GAS7: variants seen among roughly 807,000 people sequenced by gnomAD.
GAS7 encodes growth arrest-specific protein 7.
In GAS7, 28 loss-of-function variants were observed where a neutral mutation model predicts 71.1. The observed-to-expected ratio is 0.39, with a 90% confidence interval of 0.29 to 0.54. GAS7 has a LOEUF of 0.54. Ranked by LOEUF, GAS7 falls within the 20% of genes least tolerant of loss-of-function variation. The pLI is 0.62. For synonymous variants in GAS7, 258 were observed against 245.8 expected (o/e 1.05, Z -0.46); for missense variants, 436 against 627.8 (o/e 0.69, Z 3.27).
In GAS7 at chr17:10,015,444, A is replaced by G. The variant is rs79369712; in HGVS notation, c.304+4333T>C. 9.6e-3 allele frequency among the ~76,000 whole-genome samples: 1,461 copies of G among 152,256 alleles called. 48 individuals are homozygous for G. The East Asian group carries it at 0.099, about 10-fold the overall frequency. The stretch of plus-strand genomic sequence containing the variant: ...TGAAATGCCACCTGGAGAGCGACAG[A>G]GCAAAGATGCTTAAGCAAGGGGCCA... On this transcript the variant is annotated intron_variant, in intron 2 of 13. Transcript: ENST00000432992.
At chr17:10,066,779 T>C (rs1032738060) in intron 1 of GAS7, among the ~76,000 whole-genome samples, 2 of 152,164 alleles carry the variant, frequency 1.3e-5, no homozygotes, top group African/African-American at 4.8e-5. Context: ...TTGGATTGGC[T>C]CCTGGGGTCA....
intron 5 of GAS7, among the ~76,000 whole-genome samples, chr17:9,951,663 A>G (rs2069012219): frequency 6.8e-6 from 1 of 147,886 alleles, no homozygotes; most frequent in Non-Finnish European, 1.5e-5. Flanking sequence ...AGGCTGAGGC[A>G]GGAGAATCGC....
chr17:10,154,939 CA>C (rs1463054785), intron 1 of GAS7, among the ~76,000 whole-genome samples: 2 of 151,768 alleles, frequency 1.3e-5, no homozygotes, highest in East Asian at 3.9e-4. Context: ...CACACACACA[CA>C]CACACACACA....
chr17:10,197,367 G>C lies in GAS7; in HGVS notation c.183+841C>G, dbSNP rs905594955. ...AGTCTTTACAAGAATCCTGGGGGCAGGCGGGCTTCTAGTAAAGGGGATGTC... is the reference window on the plus strand; with the variant it reads ...AGTCTTTACAAGAATCCTGGGGGCACGCGGGCTTCTAGTAAAGGGGATGTC... On this transcript the variant is annotated intron_variant, in intron 1 of 13. Coordinates refer to ENST00000432992, the MANE Select transcript of GAS7 (RefSeq NM_201433.2). Among the ~76,000 whole-genome samples, 7 of 151,762 alleles carry C rather than the reference G, an allele frequency of 4.6e-5. No individual in the cohort carries two copies. In the East Asian group the frequency reaches 1.3e-3, roughly 29 times the overall value.
At position 10,125,067 on chromosome 17, in the gene GAS7, T is replaced by TAA. The variant is rs34878954; in HGVS notation, c.183+73139_183+73140dup. On this transcript the variant is annotated intron_variant, in intron 1 of 13. Transcript: ENST00000432992. ...TATCTTCAGTAATTTTTAATAGCAG[T>TAA]AAAAAAAAAAAAAGGGGGGGTGTGG... 3.0e-3 allele frequency among the ~76,000 whole-genome samples: 416 copies of TAA among 138,118 alleles called. 2 individuals carry two copies. The highest frequency in any genetic ancestry group is 6.9e-3 in the African/African-American group (257 of 37,182). The allele number at this position is 138,118 out of a possible 152,430, so 90.6% of individuals were successfully genotyped here.
chr17:10,031,452 T>G (rs1467291748), intron 1 of GAS7, among the ~76,000 whole-genome samples: 1 of 152,164 alleles, frequency 6.6e-6, no homozygotes, highest in African/African-American at 2.4e-5. Flanking sequence ...ATGAAAAGAT[T>G]TGCAAATGAT....
intron 1 of GAS7, among the ~76,000 whole-genome samples, chr17:10,122,613 G>A (rs1444217441): frequency 2.0e-5 from 3 of 152,058 alleles, no homozygotes; most frequent in African/African-American, 7.3e-5. Context: ...CCCACTTGTG[G>A]TGAAAAGCCC....
intron 1 of GAS7, among the ~76,000 whole-genome samples, chr17:10,109,127 A>T (rs573975991): frequency 7.2e-5 from 11 of 152,216 alleles, no homozygotes; most frequent in South Asian, 2.1e-4. Context: ...AAAAAAATTT[A>T]AAAAAATAAA....
chr17:9,987,713 C>T (rs1360956253), intron 2 of GAS7, among the ~76,000 whole-genome samples: 1 of 152,270 alleles, frequency 6.6e-6, no homozygotes, highest in African/African-American at 2.4e-5. Context: ...TTTCAAAGCA[C>T]AGATGCCCCT....
intron 1 of GAS7, among the ~76,000 whole-genome samples, chr17:10,087,495 T>C (rs2073531989): frequency 6.6e-6 from 1 of 152,172 alleles, no homozygotes; most frequent in Admixed American, 6.5e-5. Context: ...CTGCAGACAG[T>C]CAATAAAGGT....
At chr17:10,188,458 T>C (rs2074473406) in intron 1 of GAS7, among the ~76,000 whole-genome samples, 1 of 152,130 alleles carries the variant, frequency 6.6e-6, no homozygotes, top group Non-Finnish European at 1.5e-5. Flanking sequence ...TTTCTAGAAG[T>C]GGAATTGTAC....
intron 1 of GAS7, among the ~76,000 whole-genome samples, chr17:10,157,535 G>A (rs766491179): frequency 7.2e-5 from 11 of 152,212 alleles, no homozygotes; most frequent in Non-Finnish European, 1.2e-4. Context: ...AGAAGATAAG[G>A]CTTTGAGCAT....
At chr17:10,189,813 C>T (rs1005478262) in intron 1 of GAS7, among the ~76,000 whole-genome samples, 3 of 151,970 alleles carry the variant, frequency 2.0e-5, no homozygotes, top group Non-Finnish European at 4.4e-5. Flanking sequence ...GTGGCGGGTG[C>T]CTATAGTCCC....
At chr17:10,095,136 C>T (rs1057244302) in intron 1 of GAS7, among the ~76,000 whole-genome samples, 3 of 152,318 alleles carry the variant, frequency 2.0e-5, no homozygotes, top group Middle Eastern at 3.4e-3. Context: ...ACCCTCCTTA[C>T]AGGGCTCTTA....
rs1413417479 is a variant in GAS7, at chr17:9,981,369, C to T, written c.385+435G>A. 1.3e-5 allele frequency among the ~76,000 whole-genome samples: 2 copies of T among 152,098 alleles called. No homozygotes were observed. The highest frequency in any genetic ancestry group is 1.3e-4 in the Admixed American group (2 of 15,276). The stretch of plus-strand genomic sequence containing the variant: ...CTTGATTACCTTTGCAGATGGGGAA[C>T]TCACACCCTCAAAAGGTCTCCCTCA... On this transcript the variant is annotated intron_variant, in intron 3 of 13. Transcript: ENST00000432992. This position sits in a 1 kb window ranked among gnomAD's most constrained non-coding sequence, Gnocchi z 4.4.
chr17:10,007,625 CAAA>C (rs201254619), intron 2 of GAS7, among the ~76,000 whole-genome samples: 3,190 of 46,192 alleles, frequency 0.069, 62 homozygotes, highest in African/African-American at 0.21. Context: ...GATTCTGTCT[CAAA>C]AAAAAAAAAA....
intron 2 of GAS7, among the ~76,000 whole-genome samples, chr17:10,019,414 G>A (rs965555184): frequency 6.6e-6 from 1 of 152,064 alleles, no homozygotes; most frequent in Non-Finnish European, 1.5e-5. Context: ...ACTTTGCCTC[G>A]TTCATTTTAT....
At chr17:10,153,011 G>A (rs1275671577) in intron 1 of GAS7, among the ~76,000 whole-genome samples, 5 of 144,838 alleles carry the variant, frequency 3.5e-5, no homozygotes, top group Non-Finnish European at 6.0e-5. Flanking sequence ...TGACCAACAT[G>A]GTAAAACCCC....
In GAS7 at chr17:9,917,080, T is replaced by C; in HGVS notation, c.*148A>G. On this transcript the variant is annotated 3_prime_UTR_variant, in exon 14 of 14. Coordinates refer to ENST00000432992, the MANE Select transcript of GAS7 (RefSeq NM_201433.2). ...TATGGGGGAGCCCCCAGCTAGGCTG[T>C]CCGGGTCACCCTTCTGGAATCACCA... 2 of 631,888 alleles carry C rather than the reference T, an allele frequency of 3.2e-6. No homozygotes were observed. The allele number at this position is 631,888 out of a possible 1,614,324, so 39.1% of individuals were successfully genotyped here. A position where few individuals can be genotyped will look rare whatever the true frequency, so the allele number is the denominator to read the frequency against.
Sources: gnomAD v4.1 joint callset for allele counts (sites outside exome capture counted in the v4.1 genomes callset) on GRCh38, gnomAD v4.1.1 for gene constraint, Gnocchi (gnomAD v3.1) non-coding constraint, MANE v1.5 for transcripts, NCBI Gene and HGNC (gene_info 2026-07-23, HGNC 2026-07-21) for gene names.